The following SAMMSON variants were observed in gnomAD, a reference collection of about 807,000 sequenced individuals.
SAMMSON encodes the protein long intergenic non-protein coding RNA 1212.
At chr3:70,171,568 A>G (rs1322610698) in intron 4 of SAMMSON, among the ~76,000 whole-genome samples, 1 of 151,690 alleles carries the variant, frequency 6.6e-6, no homozygotes, top group Non-Finnish European at 1.5e-5. Flanking sequence ...AATTTTGAAA[A>G]TGCATGAAAA....
intron 3 of SAMMSON, among the ~76,000 whole-genome samples, chr3:70,018,369 G>A (rs1012654133): frequency 9.2e-5 from 14 of 152,122 alleles, no homozygotes; most frequent in South Asian, 2.1e-4. Context: ...GTTTATTTGC[G>A]TAGAGGTGTT....
intron 6 of SAMMSON, among the ~76,000 whole-genome samples, chr3:70,264,111 T>G (rs964552477): frequency 6.6e-5 from 10 of 152,356 alleles, no homozygotes; most frequent in Middle Eastern, 3.4e-3. Flanking sequence ...AAGGATTACT[T>G]TTTAAATGAT....
chr3:70,362,303 A>T (rs1702877411), intron 9 of SAMMSON, among the ~76,000 whole-genome samples: 1 of 152,172 alleles, frequency 6.6e-6, no homozygotes, highest in Admixed American at 6.5e-5. Context: ...CTAATAGGTA[A>T]AGTCAAAGAT....
intron 4 of SAMMSON, among the ~76,000 whole-genome samples, chr3:70,196,457 A>C (rs1337216946): frequency 6.6e-6 from 1 of 152,066 alleles, no homozygotes; most frequent in Non-Finnish European, 1.5e-5. Flanking sequence ...ATGATGTTAT[A>C]CAATACATTA....
At chr3:70,243,923 T>C (rs1182735791) in intron 4 of SAMMSON, among the ~76,000 whole-genome samples, 2 of 152,152 alleles carry the variant, frequency 1.3e-5, no homozygotes, top group Non-Finnish European at 2.9e-5. Context: ...CTAGAGTAAG[T>C]AACAGAGGAG....
At chr3:70,120,432 T>A in intron 4 of SAMMSON, 1 of 152,204 alleles carries the variant, frequency 6.6e-6, no homozygotes, top group Non-Finnish European at 1.5e-5. Context: ...TGCATTTGAT[T>A]GGATGCAGGT....
intron 4 of SAMMSON, chr3:70,072,101 C>T (rs912146018): frequency 3.9e-5 from 6 of 152,042 alleles, no homozygotes; most frequent in African/African-American, 9.7e-5. Context: ...TTTCTCCTTT[C>T]TCTCTTCCTG....
chr3:70,164,985 A>G (rs1290318293), intron 4 of SAMMSON, among the ~76,000 whole-genome samples: 3 of 152,024 alleles, frequency 2.0e-5, no homozygotes, highest in African/African-American at 7.2e-5. Context: ...CAGTTTCAAG[A>G]TATGTTTCAA....
intron 2 of SAMMSON, among the ~76,000 whole-genome samples, chr3:70,429,576 A>G (rs767233175): frequency 6.6e-6 from 1 of 152,112 alleles, no homozygotes. Flanking sequence ...CATTTTCATG[A>G]TATTGATTCT....
At chr3:70,116,066 T>C (rs916981058) in intron 4 of SAMMSON, among the ~76,000 whole-genome samples, 14 of 152,132 alleles carry the variant, frequency 9.2e-5, no homozygotes, top group Admixed American at 7.2e-4. Flanking sequence ...TGCAAAAGTT[T>C]TGCACAAATC....
chr3:70,236,769 C>CT (rs1210859483), intron 4 of SAMMSON, among the ~76,000 whole-genome samples: 2 of 151,908 alleles, frequency 1.3e-5, no homozygotes, highest in East Asian at 1.9e-4. Context: ...CTAATTAAAA[C>CT]TTTTTTTGTA....
intron 7 of SAMMSON, among the ~76,000 whole-genome samples, chr3:70,328,510 T>C (rs1575626775): frequency 1.3e-5 from 2 of 152,032 alleles, no homozygotes; most frequent in East Asian, 3.9e-4. Flanking sequence ...GAGATGACAA[T>C]ACAATTTCTA....
chr3:70,357,994 T>C (rs186338628), intron 8 of SAMMSON, among the ~76,000 whole-genome samples: 41 of 152,252 alleles, frequency 2.7e-4, no homozygotes, highest in Middle Eastern at 3.4e-3. Context: ...TAAGATTAAG[T>C]ACCAGAAGGT....
intron 2 of SAMMSON, among the ~76,000 whole-genome samples, chr3:70,430,649 C>T (rs752309319): frequency 7.2e-5 from 11 of 152,006 alleles, no homozygotes; most frequent in Non-Finnish European, 1.3e-4. Flanking sequence ...TGAAATTACT[C>T]GAAGAAGCAA....
chr3:70,216,592 T>G (rs1369589916), intron 4 of SAMMSON, among the ~76,000 whole-genome samples: 1 of 152,118 alleles, frequency 6.6e-6, no homozygotes, highest in Non-Finnish European at 1.5e-5. Context: ...ACTATCTAGA[T>G]AGAGATTTTT....
At chr3:70,325,227 C>T (rs1486011444) in intron 7 of SAMMSON, among the ~76,000 whole-genome samples, 1 of 152,076 alleles carries the variant, frequency 6.6e-6, no homozygotes, top group African/African-American at 2.4e-5. Context: ...GGTAAAGGAA[C>T]CTGGGGCATT....
intron 4 of SAMMSON, among the ~76,000 whole-genome samples, chr3:70,166,349 C>T (rs940977412): frequency 2.6e-5 from 4 of 151,986 alleles, no homozygotes; most frequent in African/African-American, 9.7e-5. Context: ...CTTGCCTTCT[C>T]TAGGTTGAAG....
At chr3:70,156,137 T>C (rs1257114447) in intron 4 of SAMMSON, among the ~76,000 whole-genome samples, 1 of 152,018 alleles carries the variant, frequency 6.6e-6, no homozygotes, top group East Asian at 1.9e-4. Context: ...TCCATTCCCC[T>C]ACTTAATGAA....
At chr3:70,370,636 C>A (rs954108336) in intron 9 of SAMMSON, among the ~76,000 whole-genome samples, 2 of 151,934 alleles carry the variant, frequency 1.3e-5, no homozygotes, top group African/African-American at 4.8e-5. Context: ...ATGCCCTTTG[C>A]CCACTTTTTA....
Sources: gnomAD v4.1 joint callset for allele counts (sites outside exome capture counted in the v4.1 genomes callset) on GRCh38, gnomAD v4.1.1 for gene constraint, MANE v1.5 for transcripts, NCBI Gene and HGNC (gene_info 2026-07-23, HGNC 2026-07-21) for gene names.